NR6A1: variants seen among roughly 807,000 people sequenced by gnomAD.
The protein encoded by NR6A1 is nuclear receptor subfamily 6 group A member 1.
In NR6A1, 7 loss-of-function variants were observed where a neutral mutation model predicts 59.1. The observed-to-expected ratio is 0.12, with a 90% CI of 0.07 to 0.22. The LOEUF (loss-of-function observed/expected upper bound fraction) is 0.22, where lower values mean the gene tolerates loss of function less well. Among genes scored for constraint, NR6A1 ranks in the 10% least tolerant of loss-of-function variants. NR6A1 has a pLI of 1.00. For missense variants in NR6A1, 468 were observed against 611.6 expected, an observed-to-expected ratio of 0.77 and a Z score of 2.48; for synonymous variants, 243 against 236.1, an observed-to-expected ratio of 1.03 and a Z score of -0.27.
At chr9:124,717,220 C>T (rs1226009482) in intron 2 of NR6A1, among the ~76,000 whole-genome samples, 2 of 152,310 alleles carry the variant, frequency 1.3e-5, no homozygotes, top group South Asian at 4.1e-4. Flanking sequence ...TATACCATAT[C>T]ACCCAGTAAT....
chr9:124,662,760 C>T (rs1469131439), intron 2 of NR6A1, among the ~76,000 whole-genome samples: 2 of 152,140 alleles, frequency 1.3e-5, no homozygotes, highest in African/African-American at 2.4e-5. Flanking sequence ...ATGCAGGCTG[C>T]TTTGTCAAAA....
At chr9:124,720,063 T>C (rs546852302) in intron 2 of NR6A1, among the ~76,000 whole-genome samples, 3 of 152,304 alleles carry the variant, frequency 2.0e-5, no homozygotes, top group South Asian at 2.1e-4. Flanking sequence ...TTGGGTTTTT[T>C]TGAAATGCAG....
chr9:124,701,669 T>G (rs1422493982), intron 2 of NR6A1, among the ~76,000 whole-genome samples: 1 of 152,248 alleles, frequency 6.6e-6, no homozygotes, highest in Non-Finnish European at 1.5e-5. Flanking sequence ...AATTGAGTTG[T>G]CTTCTTATTG....
chr9:124,630,375 C>T, intron 2 of NR6A1, among the ~76,000 whole-genome samples: 1 of 151,410 alleles, frequency 6.6e-6, no homozygotes, highest in East Asian at 1.9e-4. Flanking sequence ...GTAGCAGGCG[C>T]ATGACACCAC....
chr9:124,554,618 T>C (rs1260840674), intron 2 of NR6A1, 48 bp from the exon 3 acceptor site: 1 of 1,611,782 alleles, frequency 6.2e-7, no homozygotes, highest in South Asian at 1.1e-5. Context: ...GCTTTAAGCC[T>C]ACAGTTCCTA....
intron 2 of NR6A1, among the ~76,000 whole-genome samples, chr9:124,701,754 G>A (rs1018290060): frequency 9.2e-5 from 14 of 151,770 alleles, no homozygotes; most frequent in East Asian, 3.9e-4. Flanking sequence ...TCGGAGTTTC[G>A]CTCTTGTTGC....
Position 124,540,111 on chromosome 9 carries a change from C to T in NR6A1, c.518G>A (p.Gly173Asp). ...CCCAGGGGAACTGTGGTCACTATCA[C>T]CATGGTTGCTCCAGTGATTGGCCTC... ...EEEANHWSNH[G>D]DSDHSSPGNR... The change falls in exon 5 of 10, where the codon GGT becomes GAT. Residue 173 changes from glycine to aspartate, a missense_variant. Gly to Asp is a moderately conservative substitution (Grantham distance 94). Around this residue, in one of 4 missense-constraint regions of NR6A1, gnomAD observed 151 missense variants for 142.8 expected, o/e 1.06. Transcript: ENST00000487099. 1 of 1,613,544 alleles carries T rather than the reference C, an allele frequency of 6.2e-7. No individual in the cohort carries two copies. The highest frequency in any genetic ancestry group is 8.5e-7 in the Non-Finnish European group (1 of 1,179,964).
chr9:124,713,063 G>T (rs993728060), intron 2 of NR6A1, among the ~76,000 whole-genome samples: 3 of 152,140 alleles, frequency 2.0e-5, no homozygotes, highest in African/African-American at 7.2e-5. Context: ...CATAATGACA[G>T]ACATAGACCA....
chr9:124,687,291 A>ATTAATTAATTATTTAT (rs59770058), intron 2 of NR6A1, among the ~76,000 whole-genome samples: 2,087 of 142,132 alleles, frequency 0.015, 68 homozygotes, highest in African/African-American at 0.049. Context: ...CAGCTAATTA[A>ATTAATTAATTATTTAT]TTATTTATTT....
At chr9:124,531,101 T>C (rs973266807) in intron 7 of NR6A1, among the ~76,000 whole-genome samples, 3 of 152,240 alleles carry the variant, frequency 2.0e-5, no homozygotes, top group African/African-American at 7.2e-5. Flanking sequence ...TCTCCCATTA[T>C]TGTAGCAAAA....
chr9:124,737,717 T>A (rs750111626), intron 1 of NR6A1, among the ~76,000 whole-genome samples: 2 of 151,918 alleles, frequency 1.3e-5, no homozygotes, highest in Admixed American at 6.6e-5. Flanking sequence ...AAGACAAAAA[T>A]TAGCCTGGCA....
intron 1 of NR6A1, among the ~76,000 whole-genome samples, chr9:124,760,324 TAAATAA>T (rs1471025574): frequency 5.3e-5 from 8 of 150,772 alleles, no homozygotes; most frequent in Non-Finnish European, 1.0e-4. Context: ...AAAAAATAAA[TAAATAA>T]AAATAAAAAT....
intron 1 of NR6A1, among the ~76,000 whole-genome samples, chr9:124,747,376 A>G (rs1228144414): frequency 3.3e-5 from 5 of 151,894 alleles, no homozygotes; most frequent in Non-Finnish European, 1.5e-5. Context: ...GTTCTTTACT[A>G]AATGTCCTCA....
At chr9:124,549,026 G>T (rs1453227006) in intron 3 of NR6A1, among the ~76,000 whole-genome samples, 1 of 152,178 alleles carries the variant, frequency 6.6e-6, no homozygotes, top group Non-Finnish European at 1.5e-5. Flanking sequence ...CATGGCCCTT[G>T]AGGGGCTCAT....
intron 2 of NR6A1, among the ~76,000 whole-genome samples, chr9:124,679,590 T>C (rs1838066054): frequency 6.6e-6 from 1 of 152,048 alleles, no homozygotes; most frequent in Admixed American, 6.6e-5. Context: ...GCTTTTCAAA[T>C]CTTAAGAGTT....
chr9:124,536,173 G>T, intron 6 of NR6A1, 41 bp from the exon 7 acceptor site: 1 of 1,593,282 alleles, frequency 6.3e-7, no homozygotes, highest in South Asian at 1.1e-5. Context: ...CCATTGGTCA[G>T]AGGGTGAGGA....
At chr9:124,735,413 C>A (rs1370425976) in intron 1 of NR6A1, among the ~76,000 whole-genome samples, 1 of 152,228 alleles carries the variant, frequency 6.6e-6, no homozygotes, top group Non-Finnish European at 1.5e-5. Context: ...CCTTATCCAT[C>A]TGCAGAGCTG....
At chr9:124,689,751 A>T (rs993676754) in intron 2 of NR6A1, among the ~76,000 whole-genome samples, 3 of 152,168 alleles carry the variant, frequency 2.0e-5, no homozygotes, top group Admixed American at 2.0e-4. Context: ...GTCTAGTAAA[A>T]ATTCAACTAA....
intron 2 of NR6A1, among the ~76,000 whole-genome samples, chr9:124,609,946 T>C (rs980771107): frequency 6.6e-6 from 1 of 152,250 alleles, no homozygotes; most frequent in Non-Finnish European, 1.5e-5. Flanking sequence ...TTGTGATTTT[T>C]GCACATTGAT....
Sources: gnomAD v4.1 joint callset for allele counts (sites outside exome capture counted in the v4.1 genomes callset) on GRCh38, gnomAD v4.1.1 for gene constraint, gnomAD v4.1.1 regional missense constraint, MANE v1.5 for transcripts, NCBI Gene and HGNC (gene_info 2026-07-23, HGNC 2026-07-21) for gene names.